Variants in OSBP observed in about 807,000 individuals in gnomAD.
OSBP encodes the protein oxysterol binding protein.
A neutral mutation model predicts 96.6 loss-of-function variants in OSBP; 32 were observed. The ratio of observed to expected loss-of-function variants is 0.33; its 90% CI spans 0.25 to 0.45. OSBP has a LOEUF of 0.45. Among genes scored for constraint, OSBP ranks in the 20% least tolerant of loss-of-function variants. OSBP has a pLI of 1.00. For missense variants in OSBP, 653 were observed against 1,029.7 expected (o/e 0.63, Z 5.01); for synonymous variants, 369 against 389.6 (o/e 0.95, Z 0.62).
At chr11:59,602,603 T>A (rs1297316811) in intron 3 of OSBP, among the ~76,000 whole-genome samples, 1 of 152,210 alleles carries the variant, frequency 6.6e-6, no homozygotes, top group Non-Finnish European at 1.5e-5. Context: ...TACTTAGCAC[T>A]GCACCCTACA....
At chr11:59,595,947 A>C (rs557374538) in intron 7 of OSBP, among the ~76,000 whole-genome samples, 1,133 of 74,486 alleles carry the variant, frequency 0.015, 9 homozygotes, top group Middle Eastern at 0.032. Flanking sequence ...CTGTCTAAAA[A>C]TAAATAAATA....
At position 59,610,439 on chromosome 11, in the gene OSBP, G is replaced by A; in HGVS notation, c.513C>T (p.Arg171=). ...TGGCCAGTTCCAGGGCCGTCACCCA[G>A]CGCTGCCGCTCAACTTCTGAACTAG... is the stretch of plus-strand genomic sequence containing the variant. ...LKASSEVERQ[R]WVTALELAKA... The change falls in exon 2 of 14, where the codon CGC becomes CGT. Residue 171 remains arginine, a synonymous_variant. Transcript: ENST00000263847. 1 of 1,614,030 alleles carries A rather than the reference G, an allele frequency of 6.2e-7. No individual in the cohort carries two copies. Among genetic ancestry groups the A allele is most frequent in the Non-Finnish European group, 8.5e-7 (1 of 1,180,036 alleles).
At chr11:59,611,909 T>A (rs1440969409) in intron 1 of OSBP, among the ~76,000 whole-genome samples, 2 of 152,222 alleles carry the variant, frequency 1.3e-5, no homozygotes, top group African/African-American at 4.8e-5. Context: ...ATCGAGTGTC[T>A]AACACAAACT....
rs965570403 is a variant in OSBP at position 59,574,617 on chromosome 11, C to T, written c.*1960G>A. ...GAGAAGGGGATAAAGCAGAGAAGTCCAATTTAGTTGGGGAATTCTCACTCT... is the reference window on the plus strand; with the variant it reads ...GAGAAGGGGATAAAGCAGAGAAGTCTAATTTAGTTGGGGAATTCTCACTCT... On this transcript the variant is annotated 3_prime_UTR_variant, in exon 14 of 14. Coordinates refer to ENST00000263847, the MANE Select transcript of OSBP (RefSeq NM_002556.3). 2 of 152,202 alleles carry T rather than the reference C, an allele frequency of 1.3e-5. No homozygotes were observed. Among genetic ancestry groups the T allele is most frequent in the African/African-American group, 4.9e-5 (2 of 41,220 alleles). The allele number at this position is 152,202 out of a possible 1,614,324, so 9.4% of individuals were successfully genotyped here.
chr11:59,592,200 G>A (rs1226546972), intron 9 of OSBP, among the ~76,000 whole-genome samples: 4 of 152,150 alleles, frequency 2.6e-5, no homozygotes, highest in Admixed American at 6.5e-5. Flanking sequence ...GCATGTAGAA[G>A]CTTTTTAAAG....
At chr11:59,588,212 G>C (rs1860525889) in intron 9 of OSBP, among the ~76,000 whole-genome samples, 1 of 152,166 alleles carries the variant, frequency 6.6e-6, no homozygotes, top group African/African-American at 2.4e-5. Context: ...AGAATAGTGG[G>C]TTCCAGGGTT....
In OSBP at chr11:59,576,606, C is replaced by G. The variant is rs1418420832; in HGVS notation, c.2395G>C (p.Asp799His). The G allele has an allele frequency of 6.2e-7, 1 of 1,613,802 alleles. No homozygotes were observed. The highest frequency in any genetic ancestry group is 1.7e-5 in the Admixed American group (1 of 59,928). The change falls in exon 14 of 14, where the codon GAC becomes CAC. Residue 799 changes from aspartate to histidine, a missense_variant. Physicochemically the swap from Asp to His is moderately conservative, Grantham distance 81. This residue lies in a region of OSBP where 169 missense variants were observed against 251.5 expected (regional missense o/e 0.67). Transcript: ENST00000263847. ...GEYWECKEKQDWSSCPDIF is the reference protein window; with the variant it reads ...GEYWECKEKQHWSSCPDIF ...AAAATGTCCGGGCATGAGCTCCAGT[C>G]CTGTTTTTCTTTACACTCCCAGTAT...
At position 59,575,711 on chromosome 11, in the gene OSBP, G is replaced by C. The variant is rs1210571086; in HGVS notation, c.*866C>G. On this transcript the variant is annotated 3_prime_UTR_variant, in exon 14 of 14. Coordinates refer to ENST00000263847, the MANE Select transcript of OSBP (RefSeq NM_002556.3). ...GACCCAAAATGGTACTGTGCCAGAA[G>C]AAGAGAAGCCAGAAAGACAATGAAG... 1 of 152,444 alleles carries C rather than the reference G, an allele frequency of 6.6e-6. No homozygotes were observed. The highest frequency in any genetic ancestry group is 1.5e-5 in the Non-Finnish European group (1 of 68,060). The allele number at this position is 152,444 out of a possible 1,614,324, so 9.4% of individuals were successfully genotyped here.
chr11:59,593,551 C>T (rs1860611330), intron 9 of OSBP, 53 bp downstream of exon 9: 1 of 1,607,046 alleles, frequency 6.2e-7, no homozygotes, highest in African/African-American at 1.3e-5. Flanking sequence ...TCCATCGTGC[C>T]AGAAAACCTT....
chr11:59,586,822 G>A (rs1413493584), intron 9 of OSBP, among the ~76,000 whole-genome samples: 1 of 152,150 alleles, frequency 6.6e-6, no homozygotes, highest in Non-Finnish European at 1.5e-5. Flanking sequence ...GGACCCACAT[G>A]CAAAAGAATG....
intron 2 of OSBP, among the ~76,000 whole-genome samples, chr11:59,609,463 C>T (rs1157306002): frequency 3.3e-5 from 5 of 149,944 alleles, no homozygotes; most frequent in African/African-American, 1.2e-4. Context: ...TTTGGAGGAG[C>T]TAACATCGGC....
chr11:59,576,953 G>C lies in OSBP; in HGVS notation c.2133C>G (p.Ala711=). ...LTLNAWESGT[A]PTDSRLRPDQ... is the part of the protein sequence containing the mutation. Reference sequence around the variant, plus strand: ...CAGGTCGTAACCGGCTGTCTGTGGGGGCAGTGCCACTTTCCCAAGCATTGA... The same window carrying C: ...CAGGTCGTAACCGGCTGTCTGTGGGCGCAGTGCCACTTTCCCAAGCATTGA... Residue 711 remains alanine (A), a synonymous_variant, in exon 13 of 14, where the codon GCC becomes GCG. Transcript: ENST00000263847. 1.2e-6 allele frequency: 2 copies of C among 1,614,160 alleles called. No individual in the cohort carries two copies. The highest frequency in any genetic ancestry group is 1.7e-6 in the Non-Finnish European group (2 of 1,180,042).
chr11:59,603,279 T>G (rs937033323), intron 3 of OSBP, among the ~76,000 whole-genome samples: 4 of 152,198 alleles, frequency 2.6e-5, no homozygotes, highest in Admixed American at 6.5e-5. Context: ...TAAAGTTTGC[T>G]TAATAAATAA....
intron 1 of OSBP, 108 bp from the exon 2 acceptor site, chr11:59,610,697 A>C: frequency 1.1e-6 from 1 of 877,180 alleles, no homozygotes; most frequent in Non-Finnish European, 1.8e-6. Flanking sequence ...TGACAGTCTT[A>C]GGAATCAGCA....
chr11:59,615,260 A>T, intron 1 of OSBP, 43 bp downstream of exon 1: 8 of 1,500,128 alleles, frequency 5.3e-6, no homozygotes, highest in Non-Finnish European at 7.3e-6. Flanking sequence ...GTTGGCAGAT[A>T]TGGGGGAGGC....
chr11:59,589,171 G>C (rs1367766171), intron 9 of OSBP, among the ~76,000 whole-genome samples: 1 of 140,468 alleles, frequency 7.1e-6, no homozygotes. Flanking sequence ...TTTTTTTGTA[G>C]AGATGGGGGT....
intron 7 of OSBP, among the ~76,000 whole-genome samples, chr11:59,597,937 C>T (rs1354282042): frequency 2.6e-5 from 4 of 152,138 alleles, no homozygotes; most frequent in African/African-American, 7.2e-5. Context: ...AACTCCTGAG[C>T]TCAGACAATC....
chr11:59,613,531 A>C (rs1397342321), intron 1 of OSBP, among the ~76,000 whole-genome samples: 21 of 152,306 alleles, frequency 1.4e-4, no homozygotes, highest in African/African-American at 5.1e-4. Flanking sequence ...AAAATGCAAA[A>C]ACAGTATTAA....
At chr11:59,603,753 T>C (rs1860748590) in intron 3 of OSBP, among the ~76,000 whole-genome samples, 1 of 152,036 alleles carries the variant, frequency 6.6e-6, no homozygotes, top group Non-Finnish European at 1.5e-5. Flanking sequence ...CTCAGGCTAA[T>C]CTTTCAACTC....
Sources: gnomAD v4.1 joint callset for allele counts (sites outside exome capture counted in the v4.1 genomes callset) on GRCh38, gnomAD v4.1.1 for gene constraint, gnomAD v4.1.1 regional missense constraint, MANE v1.5 for transcripts, NCBI Gene and HGNC (gene_info 2026-07-23, HGNC 2026-07-21) for gene names.